NR1H4: variants seen among roughly 807,000 people sequenced by gnomAD.
NR1H4 encodes the protein bile acid receptor.
Under a neutral mutation model 58.5 loss-of-function variants are expected in NR1H4, and 23 were observed. The observed-to-expected ratio is 0.39, with a 90% confidence interval of 0.28 to 0.56. The LOEUF is 0.56. Ranked by LOEUF, NR1H4 falls within the 20% of genes least tolerant of loss-of-function variation. The pLI is 0.58. For missense variants in NR1H4, 487 were observed against 576.9 expected (o/e 0.84, Z 1.60); for synonymous variants, 214 against 198.0 (o/e 1.08, Z -0.68).
intron 8 of NR1H4, among the ~76,000 whole-genome samples, chr12:100,539,785 A>G (rs968598763): frequency 6.6e-6 from 1 of 152,192 alleles, no homozygotes; most frequent in African/African-American, 2.4e-5. Context: ...TAAATCTATA[A>G]TATCATGTCG....
Position 100,493,263 on chromosome 12 carries a change from C to T in NR1H4, c.-54-7C>T, listed in dbSNP as rs1953641993. Reference sequence around the variant, plus strand: ...CCACAGTCACAAACTATTTATTTTCCTTTCAGGAGTTTTTTTTGAAGACCA... The same window carrying T: ...CCACAGTCACAAACTATTTATTTTCTTTTCAGGAGTTTTTTTTGAAGACCA... On this transcript the variant is annotated splice_region_variant and splice_polypyrimidine_tract_variant and intron_variant, in intron 2 of 10. Transcript: ENST00000392986. 7 of 833,980 alleles carry T rather than the reference C, an allele frequency of 8.4e-6. No individual in the cohort carries two copies. The highest frequency in any genetic ancestry group is 6.1e-6 in the Non-Finnish European group (3 of 489,470). The allele number at this position is 833,980 out of a possible 1,614,324, so 51.7% of individuals were successfully genotyped here.
At position 100,493,333 on chromosome 12, in the gene NR1H4, A is replaced by T. The variant is rs879198288; in HGVS notation, c.10A>T (p.Lys4Ter). The change falls in exon 3 of 11, where the codon AAA (lysine) becomes TAA (stop). Residue 4 changes from lysine to a stop codon, truncating the protein, a stop_gained. Transcript: ENST00000392986. LOFTEE classifies it high-confidence loss of function. ...CAATTGAAAAATTTGGATGGGATCAAAAATGAATCTCATTGAACATTCCCA... is the reference window on the plus strand; with the variant it reads ...CAATTGAAAAATTTGGATGGGATCATAAATGAATCTCATTGAACATTCCCA... The part of the protein sequence containing the change: MGS[K>*]MNLIEHSHLP... 1.9e-6 allele frequency: 3 copies of T among 1,565,238 alleles called. No homozygotes were observed.
intron 1 of NR1H4, among the ~76,000 whole-genome samples, chr12:100,478,544 A>AT (rs1953315938): frequency 6.6e-6 from 1 of 152,226 alleles, no homozygotes; most frequent in African/African-American, 2.4e-5. Flanking sequence ...AGTCTAAAAT[A>AT]TTTTTTGACC....
chr12:100,536,924 A>G, intron 7 of NR1H4, 24 bp from the exon 8 acceptor site: 1 of 1,286,646 alleles, frequency 7.8e-7, no homozygotes, highest in East Asian at 2.3e-5. Context: ...CTTTTTAATC[A>G]TTGGTTTTTT....
chr12:100,515,349 T>C (rs1417387689), intron 4 of NR1H4, among the ~76,000 whole-genome samples: 3 of 151,844 alleles, frequency 2.0e-5, no homozygotes, highest in Admixed American at 6.6e-5. Flanking sequence ...TTTTTGTATT[T>C]TTAGTAGAGA....
rs1271675993 is a variant in NR1H4, at chr12:100,564,008, A to G, written c.*519A>G. Reference sequence around the variant, plus strand: ...GTCATCTCTGGAAAAGTCCTGGTGAATAGTCATTCATTTGTAATAGCCCTC... The same window carrying G: ...GTCATCTCTGGAAAAGTCCTGGTGAGTAGTCATTCATTTGTAATAGCCCTC... On this transcript the variant is annotated 3_prime_UTR_variant, in exon 11 of 11. Coordinates refer to ENST00000392986, the MANE Select transcript of NR1H4 (RefSeq NM_001206979.2). 2.6e-5 allele frequency: 4 copies of G among 154,832 alleles called. No individual in the cohort carries two copies. The highest frequency in any genetic ancestry group is 2.0e-4 in the South Asian group (1 of 5,026). The allele number at this position is 154,832 out of a possible 1,614,324, so 9.6% of individuals were successfully genotyped here. A position where few individuals can be genotyped will look rare whatever the true frequency, so the allele number is the denominator to read the frequency against.
In NR1H4 at chr12:100,499,883, C is replaced by G. The variant is rs1192038187; in HGVS notation, c.79+6481C>G. On this transcript the variant is annotated intron_variant, in intron 3 of 10. Coordinates refer to ENST00000392986, the MANE Select transcript of NR1H4 (RefSeq NM_001206979.2). ...CTGGGTTGGTTCCAATCTCTGCCAT[C>G]TACTACCCTGTGGTCTTGGACAAAT... The G allele has an allele frequency of 1.8e-5, 8 of 456,006 alleles. 1 individual carries two copies. Among genetic ancestry groups the G allele is most frequent in the South Asian group, 1.2e-4 (8 of 64,548 alleles). The allele number at this position is 456,006 out of a possible 1,614,324, so 28.2% of individuals were successfully genotyped here.
chr12:100,542,825 G>A (rs1954969204), intron 9 of NR1H4, among the ~76,000 whole-genome samples: 1 of 150,892 alleles, frequency 6.6e-6, no homozygotes, highest in African/African-American at 2.4e-5. Context: ...AGCATCATTG[G>A]TAGATTTAAA....
At chr12:100,530,120 C>T (rs1003699717) in intron 4 of NR1H4, among the ~76,000 whole-genome samples, 4 of 152,166 alleles carry the variant, frequency 2.6e-5, no homozygotes, top group Non-Finnish European at 5.9e-5. Flanking sequence ...TTGGTATTTC[C>T]CAGGTCAGAG....
chr12:100,503,566 G>A lies in NR1H4; in HGVS notation c.80-7212G>A, dbSNP rs1448683826. On this transcript the variant is annotated intron_variant, in intron 3 of 10. Coordinates refer to ENST00000392986, the MANE Select transcript of NR1H4 (RefSeq NM_001206979.2). ...TGGACTGAGGAAATCTGGGGACTTTGGTTGGAGATGACAGTAACAGATGTC... is the reference window on the plus strand; with the variant it reads ...TGGACTGAGGAAATCTGGGGACTTTAGTTGGAGATGACAGTAACAGATGTC... The A allele has an allele frequency of 3.5e-6, 5 of 1,417,814 alleles. No individual in the cohort carries two copies. The South Asian group carries it at 4.6e-5, about 13-fold the overall frequency. 87.8% of individuals were successfully genotyped at this position (1,417,814 alleles called of 1,614,324 possible).
At chr12:100,547,860 A>C (rs979961568) in intron 9 of NR1H4, among the ~76,000 whole-genome samples, 3 of 151,420 alleles carry the variant, frequency 2.0e-5, no homozygotes, top group Non-Finnish European at 4.4e-5. Context: ...AGCTGGGACT[A>C]CCGGGGCGTG....
At chr12:100,484,946 T>C (rs1953459331) in intron 1 of NR1H4, among the ~76,000 whole-genome samples, 1 of 152,228 alleles carries the variant, frequency 6.6e-6, no homozygotes, top group African/African-American at 2.4e-5. Context: ...TATGAACTTG[T>C]GTATTTTTAC....
intron 3 of NR1H4, among the ~76,000 whole-genome samples, chr12:100,505,300 G>C (rs1013042846): frequency 6.6e-6 from 1 of 152,152 alleles, no homozygotes; most frequent in Non-Finnish European, 1.5e-5. Flanking sequence ...GGGGTACAGT[G>C]GTTCTGGTCC....
In NR1H4 at chr12:100,536,945, TAGTTAAAAGAAG is replaced by T; in HGVS notation, c.832-1_842del. On this transcript the variant is annotated splice_acceptor_variant and coding_sequence_variant, in exon 8 of 11. Coordinates refer to ENST00000392986, the MANE Select transcript of NR1H4 (RefSeq NM_001206979.2). LOFTEE classifies it high-confidence loss of function. ...AATCATTGGTTTTTTTCTTAAAATT[TAGTTAAAAGAAG>T]AATTCAGTGCAGAAGAAAATTTTCT... 6.6e-7 allele frequency: 1 copy of T among 1,514,122 alleles called. No homozygotes were observed. The highest frequency in any genetic ancestry group is 2.3e-5 in the East Asian group (1 of 44,220). The allele number at this position is 1,514,122 out of a possible 1,614,324, so 93.8% of individuals were successfully genotyped here.
At chr12:100,505,654 C>G in intron 3 of NR1H4, 1 of 699,906 alleles carries the variant, frequency 1.4e-6, no homozygotes, top group East Asian at 2.7e-5. Context: ...AGAACCGTCA[C>G]AAAGGAATCC....
chr12:100,550,328 A>G (rs1489515682), intron 9 of NR1H4, among the ~76,000 whole-genome samples: 1 of 152,092 alleles, frequency 6.6e-6, no homozygotes, highest in Non-Finnish European at 1.5e-5. Flanking sequence ...ATAGACTGAA[A>G]TAGGTTTGCT....
chr12:100,552,135 A>G (rs1955217121), intron 9 of NR1H4, among the ~76,000 whole-genome samples: 1 of 152,142 alleles, frequency 6.6e-6, no homozygotes, highest in Non-Finnish European at 1.5e-5. Flanking sequence ...CAGCACTAAT[A>G]TAGTGCCTGA....
At chr12:100,525,047 T>C (rs1239465282) in intron 4 of NR1H4, 1 of 152,172 alleles carries the variant, frequency 6.6e-6, no homozygotes, top group Non-Finnish European at 1.5e-5. Context: ...ACGATGCTTT[T>C]AAAAGACTTG....
intron 4 of NR1H4, among the ~76,000 whole-genome samples, chr12:100,529,005 T>C (rs144887568): frequency 3.3e-4 from 50 of 152,274 alleles, no homozygotes; most frequent in African/African-American, 1.2e-3. Flanking sequence ...AAAGAAAAAG[T>C]CCTCTTTTTG....
Sources: gnomAD v4.1 joint callset for allele counts (sites outside exome capture counted in the v4.1 genomes callset) on GRCh38, gnomAD v4.1.1 for gene constraint, MANE v1.5 for transcripts, NCBI Gene and HGNC (gene_info 2026-07-23, HGNC 2026-07-21) for gene names.